The following STAG2 variants were observed in gnomAD, a reference collection of about 807,000 sequenced individuals.
The protein encoded by STAG2 is cohesin subunit SA-2.
In STAG2, 14 loss-of-function variants were observed where a neutral mutation model predicts 108.1. The ratio of observed to expected loss-of-function variants is 0.13; its 90% CI spans 0.09 to 0.20. The LOEUF is 0.20. Among genes scored for constraint, STAG2 ranks in the 10% least tolerant of loss-of-function variants. The pLI is 1.00. For missense variants in STAG2, 440 were observed against 940.9 expected (o/e 0.47, Z 6.96); for synonymous variants, 307 against 302.7 (o/e 1.01, Z -0.15).
Position 124,042,023 on chromosome X carries a change from A to C in STAG2, c.386-546A>C, listed in dbSNP as rs10217996. 6.0e-3 allele frequency among the ~76,000 whole-genome samples: 665 copies of C among 110,608 alleles called. 5 individuals are homozygous for C. Among genetic ancestry groups the C allele is most frequent in the African/African-American group, 0.02 (614 of 30,416 alleles). On this transcript the variant is annotated intron_variant, in intron 6 of 34. Transcript: ENST00000371145. ...TTCTTTTTGGTATTCTTTAGTTTTA[A>C]CTTTTAACTAGATTACAGGCGTCTA...
At chrX:123,975,518 A>G (rs2054577740) in intron 1 of STAG2, among the ~76,000 whole-genome samples, 1 of 112,097 alleles carries the variant, frequency 8.9e-6, no homozygotes, top group Non-Finnish European at 1.9e-5. Context: ...GCTGGAGTGC[A>G]ATGGCGTGAT....
At chrX:124,026,888 A>G (rs1440423042) in intron 4 of STAG2, among the ~76,000 whole-genome samples, 2 of 111,298 alleles carry the variant, frequency 1.8e-5, no homozygotes, top group African/African-American at 6.5e-5. Flanking sequence ...TTTTTAAATT[A>G]AATTTATTTG....
chrX:124,096,885 A>G (rs1402749534), intron 34 of STAG2, among the ~76,000 whole-genome samples: 1 of 112,402 alleles, frequency 8.9e-6, no homozygotes, highest in Non-Finnish European at 1.9e-5. Context: ...ATGTTTACTA[A>G]TAAGGCCAAG....
At chrX:124,068,721 G>C in intron 24 of STAG2, 65 bp downstream of exon 24, 1 of 789,292 alleles carries the variant, frequency 1.3e-6, no homozygotes, top group South Asian at 2.6e-5. Flanking sequence ...AACTAATGTA[G>C]AAAGTTTAAA....
chrX:124,008,343 T>G (rs921981682), intron 1 of STAG2, among the ~76,000 whole-genome samples: 14 of 108,731 alleles, frequency 1.3e-4, no homozygotes, highest in Admixed American at 1.2e-3. Context: ...CCTCCTGAGT[T>G]GCTGGGATTA....
At chrX:124,023,534 A>G (rs769240237) in intron 3 of STAG2, among the ~76,000 whole-genome samples, 56 of 111,468 alleles carry the variant, frequency 5.0e-4, no homozygotes, top group African/African-American at 1.8e-3. Context: ...ACAAAACAGC[A>G]TTTTTAGTGA....
In STAG2 at chrX:124,059,504, A is replaced by G. The variant is rs184852869; in HGVS notation, c.1416+1527A>G. Among the ~76,000 whole-genome samples, 33 of 112,124 alleles carry G rather than the reference A, an allele frequency of 2.9e-4. No homozygotes were observed. The East Asian group carries it at 8.0e-3, about 27-fold the overall frequency. On this transcript the variant is annotated intron_variant, in intron 15 of 34. Coordinates refer to ENST00000371145, the MANE Select transcript of STAG2 (RefSeq NM_001042750.2). ...ATTGAATTCTGTAAAATGCTTCTGCATTACTTGAGATGATTGTTTTATTTT... is the reference window on the plus strand; with the variant it reads ...ATTGAATTCTGTAAAATGCTTCTGCGTTACTTGAGATGATTGTTTTATTTT...
At chrX:124,042,874 G>A (rs1430341443) in intron 7 of STAG2, among the ~76,000 whole-genome samples, 4 of 107,597 alleles carry the variant, frequency 3.7e-5, no homozygotes, top group African/African-American at 1.4e-4. Flanking sequence ...AATTAGCCGG[G>A]AGTCGTGGTG....
chrX:124,081,613 C>T lies in STAG2; in HGVS notation c.2924+85C>T. The T allele has an allele frequency of 7.8e-6, 6 of 770,198 alleles. No homozygotes were observed. In the South Asian group the frequency reaches 1.8e-4, roughly 23 times the overall value. The allele number at this position is 770,198 out of a possible 1,213,427, so 63.5% of individuals were successfully genotyped here. On this transcript the variant is annotated intron_variant, in intron 28 of 34. Transcript: ENST00000371145. ...AATCTAGCCCTTTCATTTGGAATAA[C>T]TAAATTAAATTTATGCTTTATTATT...
chrX:124,087,892 G>A (rs1301321759), intron 30 of STAG2, among the ~76,000 whole-genome samples: 1 of 112,066 alleles, frequency 8.9e-6, no homozygotes, highest in Non-Finnish European at 1.9e-5. Flanking sequence ...TTGTCCAGTA[G>A]TATAAAGGCA....
chrX:124,072,501 T>A lies in STAG2; in HGVS notation c.2533+1178T>A, dbSNP rs189914788. On this transcript the variant is annotated intron_variant, in intron 25 of 34. Coordinates refer to ENST00000371145, the MANE Select transcript of STAG2 (RefSeq NM_001042750.2). ...TCCATGTAGTGAAGTTTATATACTT[T>A]GAGTTTTTCATCTGTCACTCTAAGC... is the stretch of plus-strand genomic sequence containing the variant. 3.4e-4 allele frequency among the ~76,000 whole-genome samples: 38 copies of A among 111,278 alleles called. 1 individual carries two copies. Among genetic ancestry groups the A allele is most frequent in the African/African-American group, 1.2e-3 (38 of 30,596 alleles).
intron 29 of STAG2, among the ~76,000 whole-genome samples, chrX:124,084,016 T>A (rs1226834947): frequency 8.9e-6 from 1 of 111,926 alleles, no homozygotes; most frequent in African/African-American, 3.2e-5. Context: ...GAACATCCTT[T>A]AATTCTCAAA....
At chrX:124,048,912 G>A (rs2057955845) in intron 9 of STAG2, 93 bp from the exon 10 acceptor site, 3 of 670,402 alleles carry the variant, frequency 4.5e-6, no homozygotes, top group Non-Finnish European at 4.7e-6. Context: ...AAATACTGGG[G>A]AATTCTGCTT....
In STAG2 at chrX:124,076,482, A is replaced by C. The variant is rs372287924; in HGVS notation, c.2673+11A>C. On this transcript the variant is annotated intron_variant, in intron 26 of 34. Transcript: ENST00000371145. ...AAACAGTATATGAAGGTAAAGTTGA[A>C]AAATGGATAGCAAGATAGTTTTAAA... 1.8e-6 allele frequency: 2 copies of C among 1,134,403 alleles called. No individual in the cohort carries two copies. The highest frequency in any genetic ancestry group is 3.7e-5 in the African/African-American group (2 of 54,029). 93.5% of individuals were successfully genotyped at this position (1,134,403 alleles called of 1,213,427 possible).
chrX:124,067,592 G>A (rs1284794992), intron 23 of STAG2, among the ~76,000 whole-genome samples: 1 of 110,957 alleles, frequency 9.0e-6, no homozygotes, highest in Non-Finnish European at 1.9e-5. Flanking sequence ...CAAACACTTA[G>A]GAAAAAGTTA....
intron 19 of STAG2, among the ~76,000 whole-genome samples, chrX:124,063,456 T>C (rs1167851629): frequency 9.0e-6 from 1 of 111,298 alleles, no homozygotes; most frequent in East Asian, 2.8e-4. Context: ...TTATAGAGAC[T>C]GGGGGTGGAT....
At chrX:124,023,409 C>T (rs1446765021) in intron 3 of STAG2, among the ~76,000 whole-genome samples, 1 of 110,379 alleles carries the variant, frequency 9.1e-6, no homozygotes, top group Non-Finnish European at 1.9e-5. Flanking sequence ...TACCTTTGTA[C>T]ATAATGGCAG....
Position 124,086,497 on chromosome X carries a change from T to C in STAG2, c.3054-50T>C, listed in dbSNP as rs374577707. Reference sequence around the variant, plus strand: ...ATGCTCGCACAACTATGAGTTAATATAACCCACAGATTTCTGTATCAAAGC... The same window carrying C: ...ATGCTCGCACAACTATGAGTTAATACAACCCACAGATTTCTGTATCAAAGC... On this transcript the variant is annotated intron_variant, in intron 29 of 34. Transcript: ENST00000371145. 6.1e-4 allele frequency: 634 copies of C among 1,034,983 alleles called. 2 individuals carry two copies. The highest frequency in any genetic ancestry group is 7.8e-4 in the Non-Finnish European group (578 of 744,324). The allele number at this position is 1,034,983 out of a possible 1,213,427, so 85.3% of individuals were successfully genotyped here.
intron 33 of STAG2, among the ~76,000 whole-genome samples, chrX:124,094,738 A>G (rs1284290503): frequency 8.9e-6 from 1 of 111,919 alleles, no homozygotes; most frequent in Non-Finnish European, 1.9e-5. Context: ...ACTCTCTCCA[A>G]AGAGGCAAAA....
Sources: allele counts gnomAD v4.1 joint callset (sites outside exome capture counted in the v4.1 genomes callset), GRCh38; gene constraint gnomAD v4.1.1; transcripts MANE v1.5; gene names NCBI Gene and HGNC (gene_info 2026-07-23, HGNC 2026-07-21).